Variants in SHANK2 observed in about 807,000 individuals in gnomAD.
The protein encoded by SHANK2 is SH3 and multiple ankyrin repeat domains protein 2.
SHANK2 carries 43 observed loss-of-function variants against 133.7 expected under a neutral mutation model. The ratio of observed to expected loss-of-function variants is 0.32; its 90% CI spans 0.25 to 0.41. The LOEUF (loss-of-function observed/expected upper bound fraction) is 0.41. SHANK2 is among the 10% of genes least tolerant of loss of function. The pLI is 1.00. For synonymous variants in SHANK2, 1,017 were observed against 952.8 expected, an observed-to-expected ratio of 1.07 and a Z score of -1.24; for missense variants, 1,994 against 2,235.8, an observed-to-expected ratio of 0.89 and a Z score of 2.18.
At chr11:70,517,821 T>C (rs2059283803) in intron 17 of SHANK2, among the ~76,000 whole-genome samples, 2 of 152,214 alleles carry the variant, frequency 1.3e-5, no homozygotes, top group South Asian at 4.1e-4. Context: ...ACCCACAGAA[T>C]GTACACCAAG....
At chr11:70,571,761 G>A (rs1554983130) in intron 17 of SHANK2, among the ~76,000 whole-genome samples, 1 of 152,112 alleles carries the variant, frequency 6.6e-6, no homozygotes, top group African/African-American at 2.4e-5. Context: ...GCAGGGAGAA[G>A]TGATGAACCC....
intron 14 of SHANK2, among the ~76,000 whole-genome samples, chr11:70,734,996 C>T (rs1946372075): frequency 6.6e-6 from 1 of 152,184 alleles, no homozygotes; most frequent in African/African-American, 2.4e-5. Flanking sequence ...CAGGCCTCGG[C>T]GGCTGTAGCA....
At chr11:70,617,260 T>C (rs2060759186) in intron 17 of SHANK2, among the ~76,000 whole-genome samples, 1 of 151,848 alleles carries the variant, frequency 6.6e-6, no homozygotes, top group African/African-American at 2.4e-5. Flanking sequence ...AGTGCATGTG[T>C]GTCAATGTCT....
intron 8 of SHANK2, among the ~76,000 whole-genome samples, chr11:71,086,484 T>G (rs1393299141): frequency 1.1e-4 from 16 of 139,132 alleles, no homozygotes; most frequent in Non-Finnish European, 4.6e-5. Context: ...TAATTTGTTA[T>G]ATAATTATGT....
At chr11:71,085,636 TATA>T (rs1951376499) in intron 8 of SHANK2, among the ~76,000 whole-genome samples, 1 of 56,788 alleles carries the variant, frequency 1.8e-5, no homozygotes, top group Admixed American at 3.5e-4. Context: ...TTATAATATA[TATA>T]ATATATTATG....
intron 17 of SHANK2, among the ~76,000 whole-genome samples, chr11:70,511,363 A>T (rs891891024): frequency 3.3e-4 from 51 of 152,350 alleles, no homozygotes; most frequent in Non-Finnish European, 6.2e-4. Context: ...ACCTGCAATG[A>T]GACTTTGGAA....
intron 17 of SHANK2, among the ~76,000 whole-genome samples, chr11:70,639,032 A>T (rs1438062495): frequency 1.3e-5 from 2 of 151,730 alleles, no homozygotes; most frequent in Non-Finnish European, 2.9e-5. Flanking sequence ...AACAAAAAAA[A>T]CATTGAGAGT....
chr11:71,113,942 C>A (rs1486315836), intron 4 of SHANK2, among the ~76,000 whole-genome samples: 1 of 152,202 alleles, frequency 6.6e-6, no homozygotes, highest in Non-Finnish European at 1.5e-5. Flanking sequence ...GCACATCTTC[C>A]TCAGATGCAC....
Position 70,571,482 on chromosome 11 carries a change from T to C in SHANK2, c.2062-68551A>G, listed in dbSNP as rs893678462. The C allele has an allele frequency of 2.0e-5, 3 of 152,316 alleles. No homozygotes were observed. In the South Asian group the frequency reaches 6.2e-4, roughly 32 times the overall value. 9.4% of individuals were successfully genotyped at this position (152,316 alleles called of 1,614,324 possible). On this transcript the variant is annotated intron_variant, in intron 17 of 25. Coordinates refer to ENST00000601538, the MANE Select transcript of SHANK2 (RefSeq NM_012309.5). Reference sequence around the variant, plus strand: ...GTGCTACTTTTTCTTTGAAATAAAATGTTCATTTTCCAGTATAAAAGTCTA... The same window carrying C: ...GTGCTACTTTTTCTTTGAAATAAAACGTTCATTTTCCAGTATAAAAGTCTA...
At chr11:70,801,527 T>C (rs1483811946) in intron 13 of SHANK2, among the ~76,000 whole-genome samples, 1 of 152,188 alleles carries the variant, frequency 6.6e-6, no homozygotes, top group Admixed American at 6.5e-5. Flanking sequence ...GGAATGAGTG[T>C]TCCTCATATG....
intron 17 of SHANK2, among the ~76,000 whole-genome samples, chr11:70,524,458 C>T (rs782750923): frequency 1.3e-5 from 2 of 152,352 alleles, no homozygotes; most frequent in East Asian, 1.9e-4. Flanking sequence ...CCCAGACACT[C>T]GGATGCAGCT....
intron 10 of SHANK2, among the ~76,000 whole-genome samples, chr11:70,951,548 C>G (rs190822486): frequency 1.3e-5 from 2 of 151,374 alleles, no homozygotes; most frequent in East Asian, 3.9e-4. Flanking sequence ...TTTCCCCTGG[C>G]TGCTGCGTGG....
chr11:71,121,360 T>C (rs1555101444), intron 3 of SHANK2, among the ~76,000 whole-genome samples: 2 of 152,220 alleles, frequency 1.3e-5, no homozygotes, highest in African/African-American at 4.8e-5. Context: ...TATTTGGGAA[T>C]AGGATCTTTG....
intron 11 of SHANK2, among the ~76,000 whole-genome samples, chr11:70,878,895 C>T (rs1158195340): frequency 1.3e-5 from 2 of 152,220 alleles, no homozygotes; most frequent in African/African-American, 4.8e-5. Flanking sequence ...CCTGCCCTCA[C>T]CTCCAGCTCC....
At chr11:71,120,757 T>C (rs1254250279) in intron 3 of SHANK2, among the ~76,000 whole-genome samples, 1 of 152,168 alleles carries the variant, frequency 6.6e-6, no homozygotes, top group African/African-American at 2.4e-5. Flanking sequence ...AAACAAGCTG[T>C]ATCAGGTGTG....
intron 15 of SHANK2, among the ~76,000 whole-genome samples, chr11:70,685,964 G>A (rs1313817516): frequency 6.7e-6 from 1 of 150,332 alleles, no homozygotes; most frequent in Non-Finnish European, 1.5e-5. Flanking sequence ...TGCATCCATG[G>A]GTCCACCCAT....
chr11:70,935,364 AGGGGTCT>A (rs1950558028), intron 10 of SHANK2, among the ~76,000 whole-genome samples: 1 of 152,132 alleles, frequency 6.6e-6, no homozygotes, highest in African/African-American at 2.4e-5. Context: ...CACAGGTAAG[AGGGGTCT>A]GCTACAGTCT....
At chr11:70,841,254 G>A (rs904678712) in intron 11 of SHANK2, among the ~76,000 whole-genome samples, 2 of 152,174 alleles carry the variant, frequency 1.3e-5, no homozygotes, top group African/African-American at 2.4e-5. Context: ...CTGGGTGGCG[G>A]AGCGAGACTC....
At chr11:70,684,762 CT>C (rs1210627670) in intron 15 of SHANK2, among the ~76,000 whole-genome samples, 1 of 151,924 alleles carries the variant, frequency 6.6e-6, no homozygotes, top group Non-Finnish European at 1.5e-5. Flanking sequence ...GACAGTGCCC[CT>C]GGCCCTGCCA....
Sources: gnomAD v4.1 joint callset for allele counts (sites outside exome capture counted in the v4.1 genomes callset) on GRCh38, gnomAD v4.1.1 for gene constraint, MANE v1.5 for transcripts, NCBI Gene and HGNC (gene_info 2026-07-23, HGNC 2026-07-21) for gene names.